Variants in UNC13C observed in about 807,000 individuals in gnomAD.
The protein encoded by UNC13C is unc-13 homolog C.
UNC13C carries 174 observed loss-of-function variants against 245.4 expected under a neutral mutation model. The ratio of observed to expected loss-of-function variants is 0.71; its 90% CI spans 0.63 to 0.80. The LOEUF is 0.80. UNC13C is among the 30% of genes least tolerant of loss of function. The pLI, the probability that UNC13C is intolerant of heterozygous loss-of-function variation, is 0.00. For missense variants in UNC13C, 2,829 were observed against 2,602.9 expected, an observed-to-expected ratio of 1.09 and a Z score of -1.89; for synonymous variants, 992 against 895.1, an observed-to-expected ratio of 1.11 and a Z score of -1.93.
chr15:54,039,021 C>T (rs1345459317), intron 2 of UNC13C, among the ~76,000 whole-genome samples: 2 of 152,086 alleles, frequency 1.3e-5, no homozygotes, highest in South Asian at 2.1e-4. Flanking sequence ...GCAGTTGATT[C>T]TCCACATGTC....
At chr15:54,079,158 C>T (rs147155495) in intron 2 of UNC13C, among the ~76,000 whole-genome samples, 1 of 152,126 alleles carries the variant, frequency 6.6e-6, no homozygotes, top group East Asian at 1.9e-4. Flanking sequence ...CTATTCTGTT[C>T]CATTGATCTA....
At chr15:54,157,750 A>G (rs1184268698) in intron 4 of UNC13C, among the ~76,000 whole-genome samples, 2 of 152,208 alleles carry the variant, frequency 1.3e-5, no homozygotes, top group Non-Finnish European at 2.9e-5. Flanking sequence ...ATCAAAACAG[A>G]GATATAGACC....
chr15:54,586,005 T>C (rs1383480044), intron 30 of UNC13C, among the ~76,000 whole-genome samples: 2 of 152,178 alleles, frequency 1.3e-5, no homozygotes, highest in East Asian at 1.9e-4. Flanking sequence ...GTAAGATACC[T>C]GCTGAAATTA....
At chr15:54,134,770 G>A (rs763535885) in intron 2 of UNC13C, among the ~76,000 whole-genome samples, 101 of 152,104 alleles carry the variant, frequency 6.6e-4, no homozygotes, top group Non-Finnish European at 7.1e-4. Context: ...TAATTCTGCA[G>A]TGAATATGGC....
rs71105811 is a variant in UNC13C at position 54,456,590 on chromosome 15, TTTTATTTATTTATTTATTTA to T, written c.4934-37992_4934-37973del. Among the ~76,000 whole-genome samples, 6 of 142,752 alleles carry T rather than the reference TTTTATTTATTTATTTATTTA, an allele frequency of 4.2e-5. No homozygotes were observed. The East Asian group carries it at 8.3e-4, about 20-fold the overall frequency. 93.7% of individuals were successfully genotyped at this position (142,752 alleles called of 152,430 possible). ...CTTTTGTTAGGTTTACTCCTATGTA[TTTTATTTATTTATTTATTTA>T]TTTATTTATTTATTTATTTATTTAT... On this transcript the variant is annotated intron_variant, in intron 19 of 32. Transcript: ENST00000260323.
intron 13 of UNC13C, among the ~76,000 whole-genome samples, chr15:54,319,520 A>T (rs2038095332): frequency 6.6e-6 from 1 of 151,978 alleles, no homozygotes; most frequent in Non-Finnish European, 1.5e-5. Flanking sequence ...GAACTCACAT[A>T]GCATAAATTT....
intron 7 of UNC13C, among the ~76,000 whole-genome samples, chr15:54,239,210 T>C (rs139720378): frequency 9.8e-5 from 15 of 152,286 alleles, no homozygotes; most frequent in African/African-American, 3.6e-4. Context: ...CATTTTTATG[T>C]CTATATTTCT....
At chr15:54,460,510 G>A (rs979347161) in intron 19 of UNC13C, among the ~76,000 whole-genome samples, 40 of 152,222 alleles carry the variant, frequency 2.6e-4, no homozygotes, top group African/African-American at 9.6e-4. Flanking sequence ...AATGGCTGGA[G>A]TTGGTTGGCC....
chr15:54,402,084 C>T (rs1263835108), intron 18 of UNC13C, among the ~76,000 whole-genome samples: 5 of 149,480 alleles, frequency 3.3e-5, no homozygotes, highest in Admixed American at 3.3e-4. Context: ...AAAAAAAATG[C>T]TTTAATTTGA....
In UNC13C at chr15:54,424,507, C is replaced by T. The variant is rs188083196; in HGVS notation, c.4933+9440C>T. 1.1e-4 allele frequency among the ~76,000 whole-genome samples: 16 copies of T among 151,902 alleles called. No homozygotes were observed. The East Asian group carries it at 2.2e-3, about 20-fold the overall frequency. ...CAATTACACATGTTTGTTTTAAGTG[C>T]GACCTGGCTGCAAATTGAGGAGAAG... is the stretch of plus-strand genomic sequence containing the variant. On this transcript the variant is annotated intron_variant, in intron 19 of 32. Coordinates refer to ENST00000260323, the MANE Select transcript of UNC13C (RefSeq NM_001080534.3).
At chr15:54,113,365 A>T (rs1312020133) in intron 2 of UNC13C, among the ~76,000 whole-genome samples, 1 of 152,238 alleles carries the variant, frequency 6.6e-6, no homozygotes, top group Non-Finnish European at 1.5e-5. Flanking sequence ...GCATATTTTA[A>T]CAGTTGGTTA....
chr15:53,981,678 G>A (rs10518746), intron 1 of UNC13C, among the ~76,000 whole-genome samples: 1 of 152,044 alleles, frequency 6.6e-6, no homozygotes, highest in Non-Finnish European at 1.5e-5. Context: ...GAATGCAAAA[G>A]ACTGATCACC....
chr15:53,894,461 A>G, the UNC13C span, among the ~76,000 whole-genome samples: 1 of 152,164 alleles, frequency 6.6e-6, no homozygotes, highest in Admixed American at 6.5e-5. Flanking sequence ...AGTGAAAATC[A>G]AGTATCAATT....
the UNC13C span, among the ~76,000 whole-genome samples, chr15:53,874,235 A>G: frequency 6.6e-6 from 1 of 152,104 alleles, no homozygotes; most frequent in Non-Finnish European, 1.5e-5. Context: ...TTTTACAGGG[A>G]ATTTACTCTG....
chr15:54,216,097 T>C lies in UNC13C; in HGVS notation c.3072-18933T>C, dbSNP rs1596020805. On this transcript the variant is annotated intron_variant, in intron 4 of 32. Transcript: ENST00000260323. ...GGATGTGAGGATGAGAGACAGTGAG[T>C]GTGTACATGAAGGAAAGTGGACAAG... is the stretch of plus-strand genomic sequence containing the variant. 2.6e-5 allele frequency among the ~76,000 whole-genome samples: 4 copies of C among 151,592 alleles called. No individual in the cohort carries two copies. The South Asian group carries it at 8.3e-4, about 32-fold the overall frequency.
At chr15:54,118,929 T>C (rs1410414413) in intron 2 of UNC13C, among the ~76,000 whole-genome samples, 4 of 151,854 alleles carry the variant, frequency 2.6e-5, no homozygotes, top group Admixed American at 2.6e-4. Flanking sequence ...TCTGTTAATG[T>C]GATGTATCAC....
intron 13 of UNC13C, chr15:54,321,432 A>G: frequency 2.0e-6 from 1 of 492,326 alleles, no homozygotes; most frequent in Non-Finnish European, 4.0e-6. Flanking sequence ...TGTTTCCACA[A>G]CTCTTGCATC....
intron 4 of UNC13C, among the ~76,000 whole-genome samples, chr15:54,186,952 G>A (rs1460843469): frequency 2.0e-5 from 3 of 151,508 alleles, no homozygotes; most frequent in East Asian, 1.9e-4. Context: ...AGGTTCAAGC[G>A]ATTCTCCTGC....
chr15:54,270,821 T>G (rs1347833452), intron 10 of UNC13C, among the ~76,000 whole-genome samples: 1 of 152,108 alleles, frequency 6.6e-6, no homozygotes, highest in East Asian at 1.9e-4. Flanking sequence ...AGTAGTGCCC[T>G]GTTGTGAAGC....
Sources: gnomAD v4.1 joint callset for allele counts (sites outside exome capture counted in the v4.1 genomes callset) on GRCh38, gnomAD v4.1.1 for gene constraint, MANE v1.5 for transcripts, NCBI Gene and HGNC (gene_info 2026-07-23, HGNC 2026-07-21) for gene names.